Variants in HCK observed in about 807,000 individuals in gnomAD.
The protein encoded by HCK is HCK proto-oncogene, Src family tyrosine kinase, also known as tyrosine-protein kinase HCK.
HCK carries 40 observed loss-of-function variants against 70.4 expected under a neutral mutation model. The ratio of observed to expected loss-of-function variants is 0.57; its 90% CI spans 0.44 to 0.74. The LOEUF is 0.74. Among genes scored for constraint, HCK ranks in the 30% least tolerant of loss-of-function variants. The probability of loss-of-function intolerance (pLI) is 0.00; values close to 1 mark genes in which losing one functional copy is unlikely to be tolerated. For synonymous variants in HCK, 245 were observed against 263.2 expected, an observed-to-expected ratio of 0.93 and a Z score of 0.67; for missense variants, 568 against 697.2, an observed-to-expected ratio of 0.81 and a Z score of 2.09.
intron 9 of HCK, among the ~76,000 whole-genome samples, chr20:32,087,132 G>C (rs539310896): frequency 5.3e-5 from 8 of 152,326 alleles, no homozygotes; most frequent in African/African-American, 1.9e-4. Context: ...CATGGGTGGT[G>C]GGGGTGCCAC....
chr20:32,061,372 T>G (rs2045373568), intron 1 of HCK, among the ~76,000 whole-genome samples: 2 of 152,228 alleles, frequency 1.3e-5, no homozygotes, highest in South Asian at 4.1e-4. Context: ...TGGGTGGGCT[T>G]CGGTCTCCCT....
chr20:32,067,829 C>T (rs2045481791), intron 1 of HCK, among the ~76,000 whole-genome samples: 1 of 151,930 alleles, frequency 6.6e-6, no homozygotes, highest in East Asian at 1.9e-4. Context: ...ACAGTAAAAT[C>T]CACACTGAGA....
At chr20:32,088,437 T>C in intron 9 of HCK, 131 bp from the exon 10 acceptor site, 1 of 621,066 alleles carries the variant, frequency 1.6e-6, no homozygotes, top group Non-Finnish European at 2.8e-6. Context: ...CAAACAAATA[T>C]TCGTATTTAA....
chr20:32,077,362 C>T (rs960468671), intron 5 of HCK, among the ~76,000 whole-genome samples: 1 of 152,190 alleles, frequency 6.6e-6, no homozygotes, highest in Admixed American at 6.5e-5. Flanking sequence ...TTCCCCTCCC[C>T]AGAAGCAACC....
At chr20:32,064,040 G>A (rs564556715) in intron 1 of HCK, among the ~76,000 whole-genome samples, 1 of 107,646 alleles carries the variant, frequency 9.3e-6, no homozygotes, top group Admixed American at 1.5e-4. Flanking sequence ...GTCTCTCTCT[G>A]TCACCCAGGC....
Position 32,052,439 on chromosome 20 carries a change from A to G in HCK, c.15A>G (p.Ser5=). The G allele has an allele frequency of 7.8e-7, 1 of 1,282,310 alleles. No homozygotes were observed. The highest frequency in any genetic ancestry group is 2.7e-5 in the South Asian group (1 of 36,772). 79.4% of individuals were successfully genotyped at this position (1,282,310 alleles called of 1,614,324 possible). A position where few individuals can be genotyped will look rare whatever the true frequency, so the allele number is the denominator to read the frequency against. Residue 5 remains serine, a synonymous_variant, in exon 1 of 13, where the codon TCA becomes TCG. Transcript: ENST00000375852. ...GGGCTGCCGAGCTGGGGGGGCGCTC[A>G]AGCTGCGAGGATCCGGGCTGCCCGC...
At chr20:32,070,536 C>T (rs1387724242) in intron 1 of HCK, among the ~76,000 whole-genome samples, 1 of 152,170 alleles carries the variant, frequency 6.6e-6, no homozygotes, top group Non-Finnish European at 1.5e-5. Flanking sequence ...CCCTCACTGG[C>T]TCCTTTGTGT....
intron 1 of HCK, among the ~76,000 whole-genome samples, chr20:32,064,845 G>A (rs2045432870): frequency 6.6e-6 from 1 of 152,264 alleles, no homozygotes; most frequent in Admixed American, 6.5e-5. Context: ...AGCAGAGGCT[G>A]AGGCGGTGAG....
chr20:32,088,545 T>G, intron 9 of HCK, 23 bp from the exon 10 acceptor site: 1 of 1,591,424 alleles, frequency 6.3e-7, no homozygotes, highest in Non-Finnish European at 8.6e-7. Context: ...GTAGTAAATG[T>G]TCCTCCCCTC....
At chr20:32,087,766 C>T (rs2045810108) in intron 9 of HCK, among the ~76,000 whole-genome samples, 1 of 152,096 alleles carries the variant, frequency 6.6e-6, no homozygotes, top group Non-Finnish European at 1.5e-5. Flanking sequence ...CTCAGCCTCC[C>T]AAGTAGCTGG....
At chr20:32,069,021 G>A (rs2045500645) in intron 1 of HCK, among the ~76,000 whole-genome samples, 1 of 152,218 alleles carries the variant, frequency 6.6e-6, no homozygotes, top group Non-Finnish European at 1.5e-5. Flanking sequence ...AACTTCTCCA[G>A]TGTTGCAGTA....
intron 1 of HCK, among the ~76,000 whole-genome samples, chr20:32,070,875 G>C (rs1043506466): frequency 1.0e-4 from 15 of 149,834 alleles, no homozygotes; most frequent in African/African-American, 3.4e-4. Flanking sequence ...AAGAGGAAGA[G>C]GAAGAAGACG....
chr20:32,061,936 CTTTTTTTTT>C (rs557203114), intron 1 of HCK, among the ~76,000 whole-genome samples: 2 of 122,048 alleles, frequency 1.6e-5, no homozygotes, highest in Admixed American at 8.4e-5. Context: ...TCTGACTTAC[CTTTTTTTTT>C]TTTTTTTTTT....
chr20:32,060,890 AAAGGAAGGAAGAAAGG>A (rs2045359196), intron 1 of HCK, among the ~76,000 whole-genome samples: 1 of 105,082 alleles, frequency 9.5e-6, no homozygotes, highest in African/African-American at 2.6e-5. Flanking sequence ...ATGAAAAAGA[AAAGGAAGGAAGAAAGG>A]AAGGAAGAAG....
Position 32,084,253 on chromosome 20 carries a change from G to T in HCK, c.683-138G>T, listed in dbSNP as rs150245476. The T allele has an allele frequency of 5.9e-5, 65 of 1,102,552 alleles. No individual in the cohort carries two copies. The African/African-American group carries it at 9.3e-4, about 16-fold the overall frequency. The allele number at this position is 1,102,552 out of a possible 1,614,324, so 68.3% of individuals were successfully genotyped here. ...GGTGGCACCCCGTCACACTCTGCTTGCTTGGGAATGTCTCTGATGGTGGCA... is the reference window on the plus strand; with the variant it reads ...GGTGGCACCCCGTCACACTCTGCTTTCTTGGGAATGTCTCTGATGGTGGCA... On this transcript the variant is annotated intron_variant, in intron 7 of 12. Coordinates refer to ENST00000375852, the MANE Select transcript of HCK (RefSeq NM_002110.5).
chr20:32,074,722 G>A lies in HCK; in HGVS notation c.428+1G>A. 3 of 1,607,020 alleles carry A rather than the reference G, an allele frequency of 1.9e-6. No homozygotes were observed. The highest frequency in any genetic ancestry group is 2.6e-6 in the Non-Finnish European group (3 of 1,173,506). On this transcript the variant is annotated splice_donor_variant, in intron 5 of 12. Coordinates refer to ENST00000375852, the MANE Select transcript of HCK (RefSeq NM_002110.5). LOFTEE classifies it high-confidence loss of function. ...GCGTTGACTCTCTGGAGACAGAGGA[G>A]TAAGTATCCTATTTCCTACCTTCCA...
Position 32,083,911 on chromosome 20 carries a change from G to A in HCK, c.550G>A (p.Val184Met), listed in dbSNP as rs757137573. Residue 184 changes from valine to methionine, a missense_variant, in exon 7 of 13, where the codon GTG (valine) becomes ATG (methionine). Physicochemically the swap from Val to Met is conservative, Grantham distance 21. Around this residue, in one of 4 missense-constraint regions of HCK, gnomAD observed 318 missense variants for 336.0 expected, o/e 0.95. Transcript: ENST00000375852. ...CAATTCAGGAAGCTACTCTTTGTCC[G>A]TGCGAGACTACGACCCTCGGCAGGG... The A allele has an allele frequency of 2.7e-5, 44 of 1,614,074 alleles. No homozygotes were observed. The highest frequency in any genetic ancestry group is 8.8e-5 in the South Asian group (8 of 91,082).
intron 1 of HCK, among the ~76,000 whole-genome samples, chr20:32,068,830 G>A (rs527440666): frequency 6.6e-6 from 1 of 152,118 alleles, no homozygotes; most frequent in Non-Finnish European, 1.5e-5. Flanking sequence ...TGTAGTCCCA[G>A]CTACTAAGGA....
chr20:32,075,590 T>C (rs1263559814), intron 5 of HCK, among the ~76,000 whole-genome samples: 2 of 152,198 alleles, frequency 1.3e-5, no homozygotes, highest in Admixed American at 1.3e-4. Context: ...ACAAATAAGA[T>C]ATATCCCTAC....
Sources: allele counts gnomAD v4.1 joint callset (sites outside exome capture counted in the v4.1 genomes callset), GRCh38; gene constraint gnomAD v4.1.1; regional missense constraint gnomAD v4.1.1; transcripts MANE v1.5; gene names NCBI Gene and HGNC (gene_info 2026-07-23, HGNC 2026-07-21).